SLC44A5: variants seen among roughly 807,000 people sequenced by gnomAD.
The protein encoded by SLC44A5 is solute carrier family 44 member 5, also known as choline transporter-like protein 5.
A neutral mutation model predicts 101.8 loss-of-function variants in SLC44A5; 57 were observed. That is an observed-to-expected ratio of 0.56 (90% confidence interval 0.45 to 0.70). The LOEUF (loss-of-function observed/expected upper bound fraction) is 0.70. Ranked by LOEUF, SLC44A5 falls within the 30% of genes least tolerant of loss-of-function variation. The probability of loss-of-function intolerance (pLI) is 0.00; values close to 1 mark genes in which losing one functional copy is unlikely to be tolerated. For missense variants in SLC44A5, 737 were observed against 853.1 expected, an observed-to-expected ratio of 0.86 and a Z score of 1.70; for synonymous variants, 281 against 290.9, an observed-to-expected ratio of 0.97 and a Z score of 0.35.
intron 2 of SLC44A5, among the ~76,000 whole-genome samples, chr1:75,417,879 G>A (rs555589233): frequency 1.3e-5 from 2 of 152,300 alleles, no homozygotes; most frequent in Non-Finnish European, 2.9e-5. Context: ...GAAAACTGTT[G>A]TGCATTTCTC....
At chr1:75,564,181 GAA>G (rs1395176568) in intron 1 of SLC44A5, among the ~76,000 whole-genome samples, 2 of 152,206 alleles carry the variant, frequency 1.3e-5, no homozygotes, top group African/African-American at 2.4e-5. Flanking sequence ...ACTGACCTGT[GAA>G]AACAAAAACT....
chr1:75,333,601 G>A (rs753794873), intron 4 of SLC44A5, among the ~76,000 whole-genome samples: 4 of 152,060 alleles, frequency 2.6e-5, no homozygotes, highest in Non-Finnish European at 5.9e-5. Context: ...TATGTGCCAG[G>A]CACTGTGCTA....
Position 75,290,764 on chromosome 1 carries a change from C to T in SLC44A5, c.175+9848G>A, listed in dbSNP as rs113022446. Among the ~76,000 whole-genome samples, 1,277 of 152,282 alleles carry T rather than the reference C, an allele frequency of 8.4e-3. 5 individuals carry two copies. The highest frequency in any genetic ancestry group is 0.013 in the Non-Finnish European group (910 of 68,016). On this transcript the variant is annotated intron_variant, in intron 5 of 23. Coordinates refer to ENST00000370859, the MANE Select transcript of SLC44A5 (RefSeq NM_001130058.2). Reference sequence around the variant, plus strand: ...AAGATTTGGAGGGGAAAATGAAAAACGCCCAGCCCATATTCTGAACAAGTG... The same window carrying T: ...AAGATTTGGAGGGGAAAATGAAAAATGCCCAGCCCATATTCTGAACAAGTG...
chr1:75,435,434 G>A (rs1664831058), intron 2 of SLC44A5, among the ~76,000 whole-genome samples: 1 of 152,110 alleles, frequency 6.6e-6, no homozygotes, highest in Non-Finnish European at 1.5e-5. Flanking sequence ...GGAAAAAGGA[G>A]CCTTCTTTTC....
the SLC44A5 span, among the ~76,000 whole-genome samples, chr1:75,716,328 A>T: frequency 1.3e-5 from 2 of 152,010 alleles, no homozygotes; most frequent in Non-Finnish European, 2.9e-5. Flanking sequence ...AAAATTAGCC[A>T]GGCACGGTGG....
intron 2 of SLC44A5, among the ~76,000 whole-genome samples, chr1:75,444,325 A>AAAAG (rs1171354963): frequency 1.4e-5 from 2 of 144,246 alleles, no homozygotes; most frequent in African/African-American, 2.5e-5. Context: ...AAAAAAAAAA[A>AAAAG]AAAGAAAGAA....
chr1:75,518,253 G>A (rs756908392), intron 2 of SLC44A5, among the ~76,000 whole-genome samples: 1 of 152,128 alleles, frequency 6.6e-6, no homozygotes, highest in East Asian at 1.9e-4. Context: ...ATTAAAAATA[G>A]CAGTCTCAAA....
At chr1:75,566,939 A>G (rs865817096) in intron 1 of SLC44A5, among the ~76,000 whole-genome samples, 4 of 152,238 alleles carry the variant, frequency 2.6e-5, no homozygotes, top group Admixed American at 6.5e-5. Context: ...CAGAACTGTA[A>G]GTGGAAAATC....
intron 2 of SLC44A5, among the ~76,000 whole-genome samples, chr1:75,445,773 C>T (rs1158724581): frequency 6.6e-6 from 1 of 152,082 alleles, no homozygotes; most frequent in African/African-American, 2.4e-5. Flanking sequence ...TTCTCTCCAA[C>T]TGCCCATGTG....
chr1:75,330,137 A>ATG (rs1656918827), intron 4 of SLC44A5, among the ~76,000 whole-genome samples: 5 of 101,924 alleles, frequency 4.9e-5, no homozygotes, highest in Non-Finnish European at 6.6e-5. Flanking sequence ...ACACACACAC[A>ATG]CACATGCATA....
intron 3 of SLC44A5, among the ~76,000 whole-genome samples, chr1:75,374,837 A>G (rs1660468573): frequency 6.6e-6 from 1 of 152,238 alleles, no homozygotes; most frequent in African/African-American, 2.4e-5. Context: ...GTCAAACACA[A>G]AAATTATTAT....
chr1:75,237,277 G>A (rs1570436941), intron 10 of SLC44A5, among the ~76,000 whole-genome samples: 1 of 152,076 alleles, frequency 6.6e-6, no homozygotes, highest in Non-Finnish European at 1.5e-5. Context: ...TGCACGCAGA[G>A]AGAACATGGT....
chr1:75,568,800 G>C (rs1293196131), intron 1 of SLC44A5, among the ~76,000 whole-genome samples: 1 of 152,132 alleles, frequency 6.6e-6, no homozygotes, highest in Non-Finnish European at 1.5e-5. Flanking sequence ...TTCTCATAAA[G>C]ATGCTTTCAA....
chr1:75,678,240 C>G, the SLC44A5 span, among the ~76,000 whole-genome samples: 4 of 152,176 alleles, frequency 2.6e-5, no homozygotes, highest in Non-Finnish European at 4.4e-5. Context: ...CAGGGAAGCT[C>G]GAACTGGGTG....
At chr1:75,499,126 A>C (rs1668816917) in intron 2 of SLC44A5, among the ~76,000 whole-genome samples, 1 of 152,168 alleles carries the variant, frequency 6.6e-6, no homozygotes. Flanking sequence ...CTTAGGTGTG[A>C]AGTAGGTTAT....
At chr1:75,710,375 G>A in the SLC44A5 span, 1 of 151,818 alleles carries the variant, frequency 6.6e-6, no homozygotes, top group South Asian at 2.1e-4. Context: ...GGGCAACATG[G>A]TGAGACCCCA....
the SLC44A5 span, among the ~76,000 whole-genome samples, chr1:75,668,809 A>G: frequency 3.3e-5 from 5 of 151,396 alleles, no homozygotes; most frequent in Non-Finnish European, 1.5e-5. Flanking sequence ...AGCCTGGCCA[A>G]CATGGCAAAA....
intron 1 of SLC44A5, among the ~76,000 whole-genome samples, chr1:75,589,715 C>T (rs988843095): frequency 6.6e-6 from 1 of 152,172 alleles, no homozygotes; most frequent in African/African-American, 2.4e-5. Context: ...CCACCTCTGG[C>T]AGCAGCTGTG....
At chr1:75,681,302 C>A in the SLC44A5 span, among the ~76,000 whole-genome samples, 2 of 151,932 alleles carry the variant, frequency 1.3e-5, no homozygotes, top group African/African-American at 2.4e-5. Flanking sequence ...GAGACACAAC[C>A]AAAAAAGAGA....
Sources: gnomAD v4.1 joint callset for allele counts (sites outside exome capture counted in the v4.1 genomes callset) on GRCh38, gnomAD v4.1.1 for gene constraint, MANE v1.5 for transcripts, NCBI Gene and HGNC (gene_info 2026-07-23, HGNC 2026-07-21) for gene names.